Variants in ITGBL1 observed in about 807,000 individuals in gnomAD.
ITGBL1 encodes integrin subunit beta like 1.
A neutral mutation model predicts 68.5 loss-of-function variants in ITGBL1; 51 were observed. The ratio of observed to expected loss-of-function variants is 0.74; its 90% CI spans 0.59 to 0.94. ITGBL1 has a LOEUF of 0.94. Among genes scored for constraint, ITGBL1 ranks in the 40% least tolerant of loss-of-function variants. The pLI, the probability that ITGBL1 is intolerant of heterozygous loss-of-function variation, is 0.00. For synonymous variants in ITGBL1, 209 were observed against 227.3 expected, an observed-to-expected ratio of 0.92 and a Z score of 0.72; for missense variants, 649 against 647.4, an observed-to-expected ratio of 1.00 and a Z score of -0.03.
At chr13:101,494,051 T>C (rs538869974) in intron 2 of ITGBL1, among the ~76,000 whole-genome samples, 2 of 152,340 alleles carry the variant, frequency 1.3e-5, no homozygotes, top group South Asian at 2.1e-4. Flanking sequence ...AGGAGACACA[T>C]TGTTTACCTG....
In ITGBL1 at chr13:101,640,483, T is replaced by C. The variant is rs2032324963; in HGVS notation, c.1015+42184T>C. 1.3e-5 allele frequency among the ~76,000 whole-genome samples: 2 copies of C among 152,206 alleles called. 1 individual carries two copies. The highest frequency in any genetic ancestry group is 4.1e-4 in the South Asian group (2 of 4,832). On this transcript the variant is annotated intron_variant, in intron 7 of 10. Coordinates refer to ENST00000376180, the MANE Select transcript of ITGBL1 (RefSeq NM_004791.3). ...TATTCTACCTGGGTACATTTTTTAC[T>C]ACCTGAAATCTCACCGTATATTTTT...
intron 3 of ITGBL1, among the ~76,000 whole-genome samples, chr13:101,572,691 G>A (rs1038574601): frequency 3.3e-5 from 5 of 152,164 alleles, no homozygotes; most frequent in South Asian, 2.1e-4. Flanking sequence ...GAGACAGGAA[G>A]TCTCTGAGCT....
intron 7 of ITGBL1, among the ~76,000 whole-genome samples, chr13:101,612,101 T>G (rs1050968335): frequency 6.6e-6 from 1 of 152,226 alleles, no homozygotes; most frequent in Non-Finnish European, 1.5e-5. Context: ...ATGTGTTGCC[T>G]ACTATTTGGA....
At chr13:101,478,316 A>G (rs1287800828) in intron 2 of ITGBL1, among the ~76,000 whole-genome samples, 1 of 152,174 alleles carries the variant, frequency 6.6e-6, no homozygotes, top group East Asian at 1.9e-4. Flanking sequence ...AAAACTGGGT[A>G]TAGAAGGAAC....
At chr13:101,513,816 C>G (rs1000721007) in intron 2 of ITGBL1, among the ~76,000 whole-genome samples, 2 of 152,040 alleles carry the variant, frequency 1.3e-5, no homozygotes, top group African/African-American at 4.8e-5. Context: ...AATTATTTTG[C>G]ACCAATATTC....
intron 2 of ITGBL1, among the ~76,000 whole-genome samples, chr13:101,566,795 G>C (rs1486590902): frequency 2.6e-5 from 4 of 152,118 alleles, no homozygotes; most frequent in African/African-American, 9.7e-5. Flanking sequence ...TTCAAAATCT[G>C]CTCAACTTTC....
At chr13:101,565,749 CTT>C (rs975630471) in intron 2 of ITGBL1, among the ~76,000 whole-genome samples, 3 of 151,942 alleles carry the variant, frequency 2.0e-5, no homozygotes, top group African/African-American at 7.3e-5. Context: ...ACAGCAGACT[CTT>C]TTCCATGTTT....
chr13:101,710,718 A>G (rs1326579489), intron 9 of ITGBL1: 1 of 152,182 alleles, frequency 6.6e-6, no homozygotes, highest in Non-Finnish European at 1.5e-5. Flanking sequence ...TGAGATCGCC[A>G]TGGCACACAG....
chr13:101,575,402 C>G lies in ITGBL1; in HGVS notation c.464-22C>G, dbSNP rs985889972. 9 of 1,605,152 alleles carry G rather than the reference C, an allele frequency of 5.6e-6. No homozygotes were observed. The African/African-American group carries it at 1.2e-4, about 22-fold the overall frequency. On this transcript the variant is annotated intron_variant, in intron 3 of 10. Transcript: ENST00000376180. ...ATTTTATGTGCATGTAACAAACAGT[C>G]TTTTTTGTTTTCATGGTTTAGGTAC... is the stretch of plus-strand genomic sequence containing the variant.
intron 7 of ITGBL1, among the ~76,000 whole-genome samples, chr13:101,682,117 G>A (rs1387599867): frequency 6.6e-6 from 1 of 152,092 alleles, no homozygotes; most frequent in African/African-American, 2.4e-5. Flanking sequence ...TGTGGAACAA[G>A]AGATGACCTT....
At chr13:101,551,444 A>C (rs1020872456) in intron 2 of ITGBL1, among the ~76,000 whole-genome samples, 1 of 152,184 alleles carries the variant, frequency 6.6e-6, no homozygotes, top group Non-Finnish European at 1.5e-5. Context: ...GAAGGCAAAG[A>C]AGTCAAGGCT....
At chr13:101,703,361 C>T in intron 8 of ITGBL1, among the ~76,000 whole-genome samples, 1 of 152,048 alleles carries the variant, frequency 6.6e-6, no homozygotes, top group Non-Finnish European at 1.5e-5. Flanking sequence ...GTCAGAAAAG[C>T]ATGACAAATG....
At chr13:101,693,676 C>A (rs571516304) in intron 8 of ITGBL1, among the ~76,000 whole-genome samples, 1 of 145,592 alleles carries the variant, frequency 6.9e-6, no homozygotes, top group South Asian at 2.2e-4. Context: ...CATCTATTAT[C>A]TGTGTATCTA....
At chr13:101,711,268 T>C (rs2034453954) in intron 9 of ITGBL1, 1 of 152,222 alleles carries the variant, frequency 6.6e-6, no homozygotes, top group South Asian at 2.1e-4. Context: ...GATGCTGTTG[T>C]GTGACAATGG....
At chr13:101,708,445 A>G (rs1474296058) in intron 9 of ITGBL1, among the ~76,000 whole-genome samples, 2 of 152,126 alleles carry the variant, frequency 1.3e-5, no homozygotes, top group African/African-American at 4.8e-5. Context: ...CAGGATGACC[A>G]GGTAAATAAT....
At position 101,598,204 on chromosome 13, in the gene ITGBL1, G is replaced by A; in HGVS notation, c.920G>A (p.Gly307Glu). 4.3e-6 allele frequency: 7 copies of A among 1,613,794 alleles called. No individual in the cohort carries two copies. The highest frequency in any genetic ancestry group is 1.3e-5 in the African/African-American group (1 of 75,012). ...TGTGACTGCAAAGCAGGCTGGTATG[G>A]GAAGAAGTGTGAGCACCCACAGTCC... Reference protein sequence around the residue: ...GRCDCKAGWYGKKCEHPQSCT... With the variant: ...GRCDCKAGWYEKKCEHPQSCT... Residue 307 changes from glycine (G) to glutamate (E), a missense_variant, in exon 7 of 11, where the codon GGG becomes GAG. Transcript: ENST00000376180.
intron 2 of ITGBL1, among the ~76,000 whole-genome samples, chr13:101,512,767 T>C (rs1176641716): frequency 3.3e-5 from 5 of 152,160 alleles, no homozygotes; most frequent in Non-Finnish European, 5.9e-5. Context: ...TTCCCTTAAG[T>C]CAATCTGCAT....
At chr13:101,620,592 T>C (rs1173097807) in intron 7 of ITGBL1, among the ~76,000 whole-genome samples, 1 of 152,128 alleles carries the variant, frequency 6.6e-6, no homozygotes, top group African/African-American at 2.4e-5. Flanking sequence ...GAAGTGATGG[T>C]ACCCCACTAA....
At chr13:101,672,547 T>C (rs2033403937) in intron 7 of ITGBL1, among the ~76,000 whole-genome samples, 2 of 152,110 alleles carry the variant, frequency 1.3e-5, no homozygotes, top group African/African-American at 4.8e-5. Flanking sequence ...GGAAAGTCCA[T>C]TTGCATAATA....
Sources: allele counts gnomAD v4.1 joint callset (sites outside exome capture counted in the v4.1 genomes callset), GRCh38; gene constraint gnomAD v4.1.1; transcripts MANE v1.5; gene names NCBI Gene and HGNC (gene_info 2026-07-23, HGNC 2026-07-21).